The following KIF13A variants were observed in gnomAD, a reference collection of about 807,000 sequenced individuals.
The protein encoded by KIF13A is kinesin-like protein KIF13A.
A neutral mutation model predicts 212.2 loss-of-function variants in KIF13A; 79 were observed. That is an observed-to-expected ratio of 0.37 (90% CI 0.31 to 0.45). The LOEUF is 0.45. Among genes scored for constraint, KIF13A ranks in the 20% least tolerant of loss-of-function variants. KIF13A has a pLI of 1.00. For synonymous variants in KIF13A, 789 were observed against 808.6 expected, an observed-to-expected ratio of 0.98 and a Z score of 0.41; for missense variants, 1,901 against 2,209.0, an observed-to-expected ratio of 0.86 and a Z score of 2.79.
rs189199409 is a variant in KIF13A, at chr6:17,809,153, C to A, written c.2001-223G>T. 2.6e-5 allele frequency among the ~76,000 whole-genome samples: 4 copies of A among 152,202 alleles called. No individual in the cohort carries two copies. The highest frequency in any genetic ancestry group is 9.6e-5 in the African/African-American group (4 of 41,538). On this transcript the variant is annotated intron_variant, in intron 17 of 38. Coordinates refer to ENST00000259711, the MANE Select transcript of KIF13A (RefSeq NM_022113.6). This position sits in a 1 kb window ranked among gnomAD's most constrained non-coding sequence, Gnocchi z 4.7. ...TGTTGAGCAACTTAACTGAAAACCA[C>A]GTTTTAAATTATGTAACACGTGAAA...
rs1457828757 is a variant in KIF13A at position 17,888,968 on chromosome 6, G to A, written c.159+9200C>T. Among the ~76,000 whole-genome samples, 4 of 151,288 alleles carry A rather than the reference G, an allele frequency of 2.6e-5. No homozygotes were observed. The highest frequency in any genetic ancestry group is 4.9e-5 in the African/African-American group (2 of 41,098). On this transcript the variant is annotated intron_variant, in intron 3 of 38. Transcript: ENST00000259711. The surrounding 1 kb of genome is among the most constrained non-coding windows in gnomAD (Gnocchi z 4.8). ...TAGCATATATTTTGTACTTAATCTC[G>A]AGCAACACCAGTCACATATCATATG... is the stretch of plus-strand genomic sequence containing the variant.
At position 17,982,473 on chromosome 6, in the gene KIF13A, C is replaced by G. The variant is rs1781177928; in HGVS notation, c.146+4581G>C. ...TGGTGAATAAACTAAAAAATACATA[C>G]AAAGTTTAGTAAGAGGAAGCTTTCT... On this transcript the variant is annotated intron_variant, in intron 2 of 38. Coordinates refer to ENST00000259711, the MANE Select transcript of KIF13A (RefSeq NM_022113.6). This position sits in a 1 kb window ranked among gnomAD's most constrained non-coding sequence, Gnocchi z 5.1. The G allele has an allele frequency of 1.0e-6, 1 of 976,638 alleles. No homozygotes were observed. The highest frequency in any genetic ancestry group is 1.2e-6 in the Non-Finnish European group (1 of 822,088). 60.5% of individuals were successfully genotyped at this position (976,638 alleles called of 1,614,324 possible).
At chr6:17,977,972 T>C (rs762774921) in intron 2 of KIF13A, among the ~76,000 whole-genome samples, 1 of 152,256 alleles carries the variant, frequency 6.6e-6, no homozygotes, top group Admixed American at 6.5e-5. Flanking sequence ...TTAAAAAAGA[T>C]ACGATTGCGC....
At chr6:17,962,701 T>C (rs114156560) in intron 2 of KIF13A, among the ~76,000 whole-genome samples, 2,935 of 152,308 alleles carry the variant, frequency 0.019, 99 homozygotes, top group African/African-American at 0.067. Flanking sequence ...ACTTCTGTTA[T>C]ATCTACTCTG....
At chr6:17,962,100 G>T (rs766572721) in intron 2 of KIF13A, among the ~76,000 whole-genome samples, 5 of 152,060 alleles carry the variant, frequency 3.3e-5, no homozygotes, top group African/African-American at 7.2e-5. Context: ...GCCAAGGCGC[G>T]TGGATCACGT....
intron 3 of KIF13A, among the ~76,000 whole-genome samples, chr6:17,894,720 G>A (rs1417034352): frequency 6.6e-6 from 1 of 152,026 alleles, no homozygotes; most frequent in African/African-American, 2.4e-5. Flanking sequence ...TCCATTCTTT[G>A]AGCCGTATGG....
chr6:17,777,399 C>A lies in KIF13A; in HGVS notation c.4093-45G>T, dbSNP rs1760093617. On this transcript the variant is annotated intron_variant, in intron 33 of 38. Transcript: ENST00000259711. This position sits in a 1 kb window ranked among gnomAD's most constrained non-coding sequence, Gnocchi z 4.4. ...AAAATAACACTTTTTTTTTTTTTCC[C>A]CAGAGACAGAGTCTCACTCTGTTGC... 2.1e-6 allele frequency: 3 copies of A among 1,441,876 alleles called. No individual in the cohort carries two copies. The highest frequency in any genetic ancestry group is 2.4e-5 in the East Asian group (1 of 41,166). 89.3% of individuals were successfully genotyped at this position (1,441,876 alleles called of 1,614,324 possible).
At position 17,774,132 on chromosome 6, in the gene KIF13A, T is replaced by C. The variant is rs1315891271; in HGVS notation, c.4219-549A>G. Among the ~76,000 whole-genome samples, 3 of 152,328 alleles carry C rather than the reference T, an allele frequency of 2.0e-5. No individual in the cohort carries two copies. The East Asian group carries it at 5.8e-4, about 29-fold the overall frequency. ...GCATATCATACGAGCTTACTTAATC[T>C]TATGTCAACTTATCAGGAGTTGATT... On this transcript the variant is annotated intron_variant, in intron 35 of 38. Transcript: ENST00000259711.
In KIF13A at chr6:17,967,412, C is replaced by A. The variant is rs544698712; in HGVS notation, c.146+19642G>T. Among the ~76,000 whole-genome samples the A allele has an allele frequency of 1.4e-4, 22 of 152,236 alleles. No individual in the cohort carries two copies. The East Asian group carries it at 3.7e-3, about 25-fold the overall frequency. ...AAAGTGTTCAACAGTGAATGGGCAT[C>A]ACATTTATAATTAGAAAAAAGCTAT... On this transcript the variant is annotated intron_variant, in intron 2 of 38. Coordinates refer to ENST00000259711, the MANE Select transcript of KIF13A (RefSeq NM_022113.6). The surrounding 1 kb of genome is among the most constrained non-coding windows in gnomAD (Gnocchi z 4.1).
downstream of KIF13A, chr6:17,760,134 A>G (rs12212501): frequency 0.23 from 34,968 of 152,184 alleles, 4,378 homozygotes; most frequent in South Asian, 0.37. Flanking sequence ...AGCCAAGGGA[A>G]TTATGGCACC....
intron 25 of KIF13A, among the ~76,000 whole-genome samples, chr6:17,792,335 C>T (rs1464417874): frequency 2.6e-5 from 4 of 151,836 alleles, no homozygotes; most frequent in Non-Finnish European, 5.9e-5. Flanking sequence ...TTTTATTGAA[C>T]ACCAGAGATT....
At chr6:17,859,223 T>C (rs1425632522) in intron 4 of KIF13A, among the ~76,000 whole-genome samples, 2 of 152,130 alleles carry the variant, frequency 1.3e-5, no homozygotes, top group Non-Finnish European at 2.9e-5. Context: ...AGGTTTATGA[T>C]GTAAATGAAA....
At position 17,919,503 on chromosome 6, in the gene KIF13A, TC is replaced by T. The variant is rs148883213; in HGVS notation, c.147-21324del. 0.019 allele frequency among the ~76,000 whole-genome samples: 2,952 copies of T among 152,316 alleles called. 98 individuals carry two copies. The highest frequency in any genetic ancestry group is 0.067 in the African/African-American group (2,771 of 41,554). ...CTGAGAATAGTAATCACTCCTTTTC[TC>T]AGAGACTTCAACCCTCCTATATATC... On this transcript the variant is annotated intron_variant, in intron 2 of 38. Coordinates refer to ENST00000259711, the MANE Select transcript of KIF13A (RefSeq NM_022113.6). The surrounding 1 kb of genome is among the most constrained non-coding windows in gnomAD (Gnocchi z 4.1).
At chr6:17,952,413 G>A (rs1015082946) in intron 2 of KIF13A, among the ~76,000 whole-genome samples, 4 of 151,118 alleles carry the variant, frequency 2.6e-5, no homozygotes, top group East Asian at 1.9e-4. Context: ...TTGGGGGATC[G>A]CTTGAGGCCA....
At chr6:17,821,081 G>A (rs535666725) in intron 16 of KIF13A, among the ~76,000 whole-genome samples, 31 of 152,172 alleles carry the variant, frequency 2.0e-4, no homozygotes, top group Admixed American at 1.2e-3. Context: ...GGCTGGTCTC[G>A]AACTCCTGGC....
chr6:17,926,949 C>T lies in KIF13A; in HGVS notation c.147-28769G>A, dbSNP rs1775548091. Reference sequence around the variant, plus strand: ...GATCAGGAGTTCGAGACCAGCTGCGCCAACATGGTGAAACCTCATCTCTAC... The same window carrying T: ...GATCAGGAGTTCGAGACCAGCTGCGTCAACATGGTGAAACCTCATCTCTAC... On this transcript the variant is annotated intron_variant, in intron 2 of 38. Coordinates refer to ENST00000259711, the MANE Select transcript of KIF13A (RefSeq NM_022113.6). This position sits in a 1 kb window ranked among gnomAD's most constrained non-coding sequence, Gnocchi z 4.3. Among the ~76,000 whole-genome samples, 4 of 151,996 alleles carry T rather than the reference C, an allele frequency of 2.6e-5. No homozygotes were observed. The South Asian group carries it at 8.3e-4, about 32-fold the overall frequency.
chr6:17,911,342 T>A (rs547495314), intron 2 of KIF13A, among the ~76,000 whole-genome samples: 3 of 152,292 alleles, frequency 2.0e-5, no homozygotes, highest in South Asian at 4.1e-4. Flanking sequence ...GCCTTGCAAA[T>A]AATTTGTATT....
At position 17,855,450 on chromosome 6, in the gene KIF13A, A is replaced by G; in HGVS notation, c.481T>C (p.Leu161=). 6.2e-7 allele frequency: 1 copy of G among 1,611,072 alleles called. No homozygotes were observed. The highest frequency in any genetic ancestry group is 1.1e-5 in the South Asian group (1 of 90,430). ...EIYNEKVRDL[L]DPKGSRQSLK... ...CCACTAACTTACCCTTTGGGGTCTA[A>G]AAGATCCCGAACTTTCTCATTATAA... The change falls in exon 6 of 39, where the codon TTA becomes CTA. Residue 161 remains leucine, a synonymous_variant. Transcript: ENST00000259711. This position sits in a 1 kb window ranked among gnomAD's most constrained non-coding sequence, Gnocchi z 4.1.
At chr6:17,804,213 T>C in intron 20 of KIF13A, 148 bp downstream of exon 20, 1 of 596,020 alleles carries the variant, frequency 1.7e-6, no homozygotes, top group Non-Finnish European at 2.7e-6. Context: ...TATCGATTAT[T>C]AGTAGAGAAA....
Sources: allele counts gnomAD v4.1 joint callset (sites outside exome capture counted in the v4.1 genomes callset), GRCh38; gene constraint gnomAD v4.1.1; non-coding constraint Gnocchi (gnomAD v3.1); transcripts MANE v1.5; gene names NCBI Gene and HGNC (gene_info 2026-07-23, HGNC 2026-07-21).